The following CERS1 variants were observed in gnomAD, a reference collection of about 807,000 sequenced individuals.
CERS1 encodes the protein Embryonic growth/differentiation factor 1.
Under a neutral mutation model 35.7 loss-of-function variants are expected in CERS1, and 16 were observed. The observed-to-expected ratio is 0.45, with a 90% CI of 0.30 to 0.68. The LOEUF (loss-of-function observed/expected upper bound fraction) is 0.68, where lower values mean the gene tolerates loss of function less well. Ranked by LOEUF, CERS1 falls within the 30% of genes least tolerant of loss-of-function variation. The pLI is 0.08. For synonymous variants in CERS1, 243 were observed against 201.6 expected (o/e 1.21, Z -1.74); for missense variants, 454 against 453.9 (o/e 1.00, Z 0.00).
intron 1 of CERS1, among the ~76,000 whole-genome samples, chr19:18,894,641 G>A (rs116001604): frequency 0.011 from 1,716 of 152,202 alleles, 40 homozygotes; most frequent in African/African-American, 0.039. Context: ...AAGAAGGCAG[G>A]GGCAACAAGC....
At chr19:18,872,799 G>A (rs2055998216) in intron 6 of CERS1, among the ~76,000 whole-genome samples, 1 of 151,556 alleles carries the variant, frequency 6.6e-6, no homozygotes, top group African/African-American at 2.4e-5. Flanking sequence ...ACAGGCGTGA[G>A]CGCCGCGCCT....
intron 2 of CERS1, among the ~76,000 whole-genome samples, chr19:18,887,104 G>A (rs894005579): frequency 8.5e-5 from 13 of 152,252 alleles, no homozygotes; most frequent in Non-Finnish European, 1.3e-4. Context: ...GACACAACCC[G>A]AATGTGCATC....
intron 3 of CERS1, among the ~76,000 whole-genome samples, chr19:18,882,716 G>A (rs1471992601): frequency 5.3e-5 from 8 of 150,806 alleles, no homozygotes; most frequent in South Asian, 4.2e-4. Context: ...TTTTTGAGAC[G>A]GAGTCTCGCT....
At position 18,895,898 on chromosome 19, in the gene CERS1, C is replaced by A; in HGVS notation, c.175G>T (p.Glu59Ter). The change falls in exon 1 of 8, where the codon GAG (glutamate) becomes TAG (stop). Residue 59 changes from glutamate (E) to a stop codon, truncating the protein, a stop_gained. Coordinates refer to ENST00000623882, the MANE Select transcript of CERS1 (RefSeq NM_021267.5). LOFTEE classifies it high-confidence loss of function. The surrounding 1 kb of genome is among the most constrained non-coding windows in gnomAD (Gnocchi z 6.4). ...LAEHAHLAPP[E>*]LLLLALGALG... is the part of the protein sequence containing the mutation. Reference sequence around the variant, plus strand: ...GCGCCGAGCGCCAGCAGCAGCAGCTCGGGCGGCGCCAGGTGCGCGTGCTCA... The same window carrying A: ...GCGCCGAGCGCCAGCAGCAGCAGCTAGGGCGGCGCCAGGTGCGCGTGCTCA... 1 of 1,260,422 alleles carries A rather than the reference C, an allele frequency of 7.9e-7. No individual in the cohort carries two copies. Among genetic ancestry groups the A allele is most frequent in the South Asian group, 2.2e-5 (1 of 44,726 alleles). The allele number at this position is 1,260,422 out of a possible 1,614,324, so 78.1% of individuals were successfully genotyped here. A position where few individuals can be genotyped will look rare whatever the true frequency, so the allele number is the denominator to read the frequency against.
In CERS1 at chr19:18,878,760, C is replaced by T. The variant is rs1203459714; in HGVS notation, c.1010+170G>A. ...CCTCACTGTCCTGTCCTTCAGGGTA[C>T]TGGCCACATCGTCCACGCCTTTATT... On this transcript the variant is annotated intron_variant, in intron 6 of 7. Transcript: ENST00000623882. The surrounding 1 kb of genome is among the most constrained non-coding windows in gnomAD (Gnocchi z 4.6). 4.9e-6 allele frequency: 7 copies of T among 1,436,446 alleles called. No individual in the cohort carries two copies. The East Asian group carries it at 1.5e-4, about 32-fold the overall frequency. 89.0% of individuals were successfully genotyped at this position (1,436,446 alleles called of 1,614,324 possible). A position where few individuals can be genotyped will look rare whatever the true frequency, so the allele number is the denominator to read the frequency against.
chr19:18,886,849 C>T (rs1050274035), intron 2 of CERS1, among the ~76,000 whole-genome samples: 13 of 152,236 alleles, frequency 8.5e-5, no homozygotes, highest in Admixed American at 7.2e-4. Context: ...TCCAGGGTCC[C>T]CTCTTTGGCC....
At chr19:18,882,849 C>T (rs1157523779) in intron 3 of CERS1, among the ~76,000 whole-genome samples, 10 of 151,712 alleles carry the variant, frequency 6.6e-5, no homozygotes, top group African/African-American at 9.7e-5. Context: ...CCCACCACCA[C>T]GCCCAGCTAA....
At chr19:18,872,557 C>T (rs1234994387) in intron 6 of CERS1, among the ~76,000 whole-genome samples, 1 of 151,950 alleles carries the variant, frequency 6.6e-6, no homozygotes, top group African/African-American at 2.4e-5. Flanking sequence ...CTCTTGTCCC[C>T]CAGGCGGGAA....
intron 6 of CERS1, among the ~76,000 whole-genome samples, chr19:18,873,081 G>C (rs552229218): frequency 3.9e-5 from 6 of 152,188 alleles, no homozygotes; most frequent in Non-Finnish European, 8.8e-5. Flanking sequence ...ATGAGGAGGA[G>C]AGGGAGACAG....
Position 18,895,542 on chromosome 19 carries a change from C to T in CERS1, c.249+282G>A, listed in dbSNP as rs987222092. ...CTCAAACATCCCACCTGTCTCGGGC[C>T]CCCCATGTCCCAGACTCACCCCAGC... On this transcript the variant is annotated intron_variant, in intron 1 of 7. Coordinates refer to ENST00000623882, the MANE Select transcript of CERS1 (RefSeq NM_021267.5). This position sits in a 1 kb window ranked among gnomAD's most constrained non-coding sequence, Gnocchi z 6.4. Among the ~76,000 whole-genome samples the T allele has an allele frequency of 5.3e-5, 8 of 151,914 alleles. No homozygotes were observed. The highest frequency in any genetic ancestry group is 1.7e-4 in the African/African-American group (7 of 41,338).
intron 6 of CERS1, among the ~76,000 whole-genome samples, chr19:18,873,666 T>C (rs1216562819): frequency 6.6e-6 from 1 of 151,156 alleles, no homozygotes; most frequent in Non-Finnish European, 1.5e-5. Flanking sequence ...TTGTGAAACC[T>C]CATCTCTACT....
chr19:18,884,082 C>A lies in CERS1; in HGVS notation c.590+5G>T, dbSNP rs765448450. The A allele has an allele frequency of 1.2e-6, 2 of 1,611,102 alleles. No homozygotes were observed. The highest frequency in any genetic ancestry group is 8.5e-7 in the Non-Finnish European group (1 of 1,178,252). ...CGGCCCCCTGCCACCCGATCCTGTC[C>A]TTACCGGAAGGCGTAGGAGGAGACG... On this transcript the variant is annotated splice_donor_5th_base_variant and intron_variant, in intron 3 of 7. Coordinates refer to ENST00000623882, the MANE Select transcript of CERS1 (RefSeq NM_021267.5).
At chr19:18,886,485 A>G (rs1371104099) in intron 2 of CERS1, among the ~76,000 whole-genome samples, 20 of 152,048 alleles carry the variant, frequency 1.3e-4, no homozygotes, top group Admixed American at 6.6e-5. Flanking sequence ...GAAGGGAGGC[A>G]GAGGTGGTGG....
intron 7 of CERS1, 49 bp from the exon 8 acceptor site, chr19:18,869,439 C>T (rs1418366984): frequency 2.0e-5 from 30 of 1,516,892 alleles, no homozygotes; most frequent in Non-Finnish European, 2.5e-5. Flanking sequence ...CCCCGGCCTG[C>T]CCATGGGGTC....
intron 3 of CERS1, 146 bp from the exon 4 acceptor site, chr19:18,880,581 GC>G: frequency 2.7e-6 from 2 of 730,504 alleles, no homozygotes; most frequent in African/African-American, 1.8e-5. Context: ...CGCCTGCCCT[GC>G]CCATCTCCAC....
At position 18,884,157 on chromosome 19, in the gene CERS1, T is replaced by G. The variant is rs1396571830; in HGVS notation, c.520A>C (p.Lys174Gln). The change falls in exon 3 of 8, where the codon AAG becomes CAG. Residue 174 changes from lysine to glutamine, a missense_variant. Transcript: ENST00000623882. ...TGGAGCAGCATGACCACCGAGTCCT[T>G]GCGCCAGGTGTCCATGTATAGCGTA... ...YATLYMDTWR[K>Q]DSVVMLLHHV... is the part of the protein sequence containing the mutation. 3 of 1,612,994 alleles carry G rather than the reference T, an allele frequency of 1.9e-6. No individual in the cohort carries two copies. The highest frequency in any genetic ancestry group is 1.3e-5 in the African/African-American group (1 of 74,756).
At chr19:18,885,551 G>T in intron 2 of CERS1, among the ~76,000 whole-genome samples, 1 of 130,176 alleles carries the variant, frequency 7.7e-6, no homozygotes, top group Admixed American at 8.7e-5. Flanking sequence ...ATGGAGTCTT[G>T]CTCTGTAGCC....
intron 2 of CERS1, among the ~76,000 whole-genome samples, chr19:18,888,889 C>CTTTTTT (rs756124590): frequency 1.1e-4 from 13 of 122,926 alleles, no homozygotes; most frequent in African/African-American, 3.4e-4. Context: ...TTCTTTCTTT[C>CTTTTTT]TTTTTTTTTT....
At position 18,884,569 on chromosome 19, in the gene CERS1, G is replaced by A. The variant is rs181105183; in HGVS notation, c.410-302C>T. Among the ~76,000 whole-genome samples the A allele has an allele frequency of 3.8e-3, 570 of 151,918 alleles. 4 individuals are homozygous for A. The highest frequency in any genetic ancestry group is 0.013 in the African/African-American group (527 of 41,426). On this transcript the variant is annotated intron_variant, in intron 2 of 7. Coordinates refer to ENST00000623882, the MANE Select transcript of CERS1 (RefSeq NM_021267.5). Reference sequence around the variant, plus strand: ...ACTACAGGTGCATGCCACCAAGCCCGGCTAATTTTTTGTATTTTTAGTAGA... The same window carrying A: ...ACTACAGGTGCATGCCACCAAGCCCAGCTAATTTTTTGTATTTTTAGTAGA...
Sources: gnomAD v4.1 joint callset for allele counts (sites outside exome capture counted in the v4.1 genomes callset) on GRCh38, gnomAD v4.1.1 for gene constraint, Gnocchi (gnomAD v3.1) non-coding constraint, MANE v1.5 for transcripts, NCBI Gene and HGNC (gene_info 2026-07-23, HGNC 2026-07-21) for gene names.